ESD: variants seen among roughly 807,000 people sequenced by gnomAD.
ESD encodes the protein S-formylglutathione hydrolase.
Under a neutral mutation model 38.1 loss-of-function variants are expected in ESD, and 34 were observed. That is an observed-to-expected ratio of 0.89 (90% confidence interval 0.68 to 1.19). The LOEUF is 1.19. Ranked by LOEUF, ESD falls within the 50% of genes most tolerant of loss-of-function variation. The probability of loss-of-function intolerance (pLI) is 0.00; values close to 1 mark genes in which losing one functional copy is unlikely to be tolerated. For missense variants in ESD, 334 were observed against 327.2 expected, an observed-to-expected ratio of 1.02 and a Z score of -0.16; for synonymous variants, 97 against 107.0, an observed-to-expected ratio of 0.91 and a Z score of 0.58.
intron 9 of ESD, chr13:46,776,769 T>C (rs991906480): frequency 2.0e-5 from 3 of 152,124 alleles, no homozygotes; most frequent in Non-Finnish European, 1.5e-5. Context: ...TTAAAAATCA[T>C]GACCATGTAT....
intron 4 of ESD, among the ~76,000 whole-genome samples, chr13:46,785,384 G>T (rs193277677): frequency 2.9e-4 from 44 of 152,114 alleles, no homozygotes; most frequent in African/African-American, 1.1e-3. Context: ...TTTCTGTATG[G>T]ACATGTTTTC....
chr13:46,772,408 T>C (rs966141236), intron 9 of ESD, among the ~76,000 whole-genome samples: 4 of 152,200 alleles, frequency 2.6e-5, no homozygotes, highest in South Asian at 2.1e-4. Context: ...ATAATTACAA[T>C]AAGGTATTAA....
rs1174174913 is a variant in ESD at position 46,789,845 on chromosome 13, C to T, written c.68+1501G>A. Among the ~76,000 whole-genome samples the T allele has an allele frequency of 2.6e-5, 4 of 151,662 alleles. No homozygotes were observed. The East Asian group carries it at 5.8e-4, about 22-fold the overall frequency. The stretch of plus-strand genomic sequence containing the variant: ...TTTTATGTTTTTTGAGACAGAGTTT[C>T]GCTCTTGTCGCCCAGGCTGGAGTGC... On this transcript the variant is annotated intron_variant, in intron 3 of 9. Transcript: ENST00000378720.
At chr13:46,775,532 C>A (rs557550002) in intron 9 of ESD, 1 of 405,410 alleles carries the variant, frequency 2.5e-6, no homozygotes. Flanking sequence ...TGATAAAACT[C>A]GCAGACCCAG....
intron 6 of ESD, 39 bp downstream of exon 6, chr13:46,782,628 G>A (rs1470557627): frequency 3.1e-6 from 5 of 1,598,632 alleles, no homozygotes; most frequent in East Asian, 2.2e-5. Flanking sequence ...CAAACTCTTG[G>A]CAGTCATCAA....
At chr13:46,791,913 T>C (rs187899795) in intron 2 of ESD, among the ~76,000 whole-genome samples, 2 of 152,138 alleles carry the variant, frequency 1.3e-5, no homozygotes, top group East Asian at 3.9e-4. Flanking sequence ...GATACACATT[T>C]TTCTAGACAC....
chr13:46,788,900 C>T (rs995895065), intron 3 of ESD, among the ~76,000 whole-genome samples: 4 of 152,068 alleles, frequency 2.6e-5, no homozygotes, highest in South Asian at 4.1e-4. Flanking sequence ...ATTTCATCTA[C>T]ATTAAAAAAA....
chr13:46,774,595 G>A (rs1874722292), intron 9 of ESD, among the ~76,000 whole-genome samples: 1 of 152,126 alleles, frequency 6.6e-6, no homozygotes, highest in South Asian at 2.1e-4. Context: ...GACTCCTGGA[G>A]TATAAAAATA....
intron 3 of ESD, 40 bp from the exon 4 acceptor site, chr13:46,787,149 T>C (rs771788083): frequency 8.6e-7 from 1 of 1,163,002 alleles, no homozygotes; most frequent in Middle Eastern, 2.4e-4. Context: ...TTAATGCCCC[T>C]CATTAATCAA....
intron 4 of ESD, 107 bp from the exon 5 acceptor site, chr13:46,784,457 A>G: frequency 1.4e-6 from 1 of 721,602 alleles, no homozygotes; most frequent in Non-Finnish European, 2.3e-6. Context: ...CAAGGGCTGA[A>G]AAACTACCAG....
At chr13:46,796,746 G>A (rs1875594962) in intron 1 of ESD, among the ~76,000 whole-genome samples, 1 of 152,244 alleles carries the variant, frequency 6.6e-6, no homozygotes, top group Admixed American at 6.5e-5. Context: ...TCCTTAAAAT[G>A]CGTACACATC....
intron 8 of ESD, among the ~76,000 whole-genome samples, chr13:46,778,858 A>G (rs1431365200): frequency 6.6e-6 from 1 of 151,880 alleles, no homozygotes; most frequent in Non-Finnish European, 1.5e-5. Context: ...TTAATTAGTT[A>G]GAATTTCAGT....
At chr13:46,772,745 C>T (rs1233137508) in intron 9 of ESD, among the ~76,000 whole-genome samples, 2 of 151,958 alleles carry the variant, frequency 1.3e-5, no homozygotes, top group African/African-American at 4.8e-5. Flanking sequence ...TGCTGGAGTG[C>T]ATGATCTTGG....
intron 7 of ESD, among the ~76,000 whole-genome samples, chr13:46,781,112 A>G (rs1474896357): frequency 6.6e-6 from 1 of 151,770 alleles, no homozygotes; most frequent in African/African-American, 2.4e-5. Flanking sequence ...CAGAAAATCA[A>G]AGTCAACTTT....
intron 4 of ESD, among the ~76,000 whole-genome samples, chr13:46,784,960 C>T (rs1286143377): frequency 6.6e-6 from 1 of 151,978 alleles, no homozygotes; most frequent in Admixed American, 6.6e-5. Flanking sequence ...AAACATCGCA[C>T]TATTTCTGCA....
chr13:46,777,422 T>C (rs1031119463), intron 9 of ESD, 34 bp downstream of exon 9: 1 of 1,481,824 alleles, frequency 6.7e-7, no homozygotes, highest in Admixed American at 2.0e-5. Context: ...ATAGTTACAT[T>C]ATCTAGATCA....
intron 8 of ESD, 101 bp from the exon 9 acceptor site, chr13:46,777,724 G>A (rs965581569): frequency 1.8e-5 from 17 of 922,258 alleles, no homozygotes; most frequent in Non-Finnish European, 2.6e-5. Flanking sequence ...TAAGCTCTTA[G>A]GCTGATTAAA....
chr13:46,774,576 A>G (rs1412248524), intron 9 of ESD, among the ~76,000 whole-genome samples: 2 of 152,192 alleles, frequency 1.3e-5, no homozygotes, highest in Non-Finnish European at 2.9e-5. Context: ...CCTTGGTAGC[A>G]AAACTCTTGA....
At chr13:46,787,204 T>C (rs189058725) in intron 3 of ESD, 95 bp from the exon 4 acceptor site, 50 of 604,226 alleles carry the variant, frequency 8.3e-5, no homozygotes, top group African/African-American at 6.5e-4. Flanking sequence ...GTAAGATATA[T>C]ACTAAAGGTC....
Sources: gnomAD v4.1 joint callset for allele counts (sites outside exome capture counted in the v4.1 genomes callset) on GRCh38, gnomAD v4.1.1 for gene constraint, MANE v1.5 for transcripts, NCBI Gene and HGNC (gene_info 2026-07-23, HGNC 2026-07-21) for gene names.